Variants in SDK1 observed in about 807,000 individuals in gnomAD.
SDK1 encodes protein sidekick-1.
A neutral mutation model predicts 245.5 loss-of-function variants in SDK1; 157 were observed. The observed-to-expected ratio is 0.64, with a 90% CI of 0.56 to 0.73. SDK1 has a LOEUF of 0.73. SDK1 is among the 30% of genes least tolerant of loss of function. The pLI, the probability that SDK1 is intolerant of heterozygous loss-of-function variation, is 0.00. For missense variants in SDK1, 3,583 were observed against 3,002.3 expected, an observed-to-expected ratio of 1.19 and a Z score of -4.52; for synonymous variants, 1,647 against 1,278.5, an observed-to-expected ratio of 1.29 and a Z score of -6.15.
intron 1 of SDK1, among the ~76,000 whole-genome samples, chr7:3,539,164 C>G (rs1778981265): frequency 6.6e-6 from 1 of 152,178 alleles, no homozygotes; most frequent in South Asian, 2.1e-4. Flanking sequence ...TATTTTCTAT[C>G]CCCAAGTTAG....
chr7:4,059,596 A>T (rs1290527398), intron 19 of SDK1, among the ~76,000 whole-genome samples: 1 of 152,216 alleles, frequency 6.6e-6, no homozygotes, highest in African/African-American at 2.4e-5. Flanking sequence ...AATGGACCTA[A>T]CAGACATTTA....
At chr7:3,582,912 G>C (rs1287312098) in intron 1 of SDK1, among the ~76,000 whole-genome samples, 14 of 152,172 alleles carry the variant, frequency 9.2e-5, no homozygotes, top group Admixed American at 9.2e-4. Context: ...TGGAAGAGAA[G>C]TGTGTGTAGG....
chr7:4,034,885 G>C (rs1048027997), intron 17 of SDK1, among the ~76,000 whole-genome samples: 1 of 152,208 alleles, frequency 6.6e-6, no homozygotes, highest in African/African-American at 2.4e-5. Flanking sequence ...TGGGGAAAAA[G>C]AAGGTACCAA....
chr7:3,382,063 C>G (rs1781502733), intron 1 of SDK1, among the ~76,000 whole-genome samples: 1 of 152,158 alleles, frequency 6.6e-6, no homozygotes, highest in African/African-American at 2.4e-5. Flanking sequence ...TCCCTATGCA[C>G]AAGAAAAACC....
At chr7:3,862,775 A>C (rs945454637) in intron 5 of SDK1, among the ~76,000 whole-genome samples, 1 of 152,222 alleles carries the variant, frequency 6.6e-6, no homozygotes, top group East Asian at 1.9e-4. Context: ...GCCGTCCCCA[A>C]CCTTTTTGGT....
chr7:4,194,797 C>G (rs1203537199), intron 35 of SDK1, among the ~76,000 whole-genome samples: 2 of 152,160 alleles, frequency 1.3e-5, no homozygotes, highest in African/African-American at 4.8e-5. Context: ...TCTCTTTTGG[C>G]AACACCCTCA....
intron 16 of SDK1, among the ~76,000 whole-genome samples, chr7:4,014,733 T>C (rs6462535): frequency 0.47 from 71,036 of 152,056 alleles, 19,107 homozygotes; most frequent in African/African-American, 0.76. Context: ...CTGTTTATTT[T>C]TGTATAAAAA....
chr7:3,493,206 C>T (rs1001892377), intron 1 of SDK1, among the ~76,000 whole-genome samples: 1 of 152,146 alleles, frequency 6.6e-6, no homozygotes, highest in African/African-American at 2.4e-5. Context: ...ACACCTCGGC[C>T]TCCCAAAGTA....
chr7:3,409,062 G>A (rs1779127976), intron 1 of SDK1, among the ~76,000 whole-genome samples: 1 of 152,124 alleles, frequency 6.6e-6, no homozygotes, highest in Middle Eastern at 3.2e-3. Flanking sequence ...CATAACTGTG[G>A]TTAGCTTCTT....
intron 38 of SDK1, among the ~76,000 whole-genome samples, chr7:4,218,315 C>T (rs1411297002): frequency 6.6e-6 from 1 of 152,120 alleles, no homozygotes; most frequent in Non-Finnish European, 1.5e-5. Context: ...ATCGCTTGAA[C>T]TCAGGAGGTG....
rs77751890 is a variant in SDK1 at position 3,762,699 on chromosome 7, A to G, written c.714-58751A>G. Among the ~76,000 whole-genome samples, 875 of 152,302 alleles carry G rather than the reference A, an allele frequency of 5.7e-3. 7 individuals carry two copies. The highest frequency in any genetic ancestry group is 0.02 in the African/African-American group (818 of 41,562). ...ATTTAACAGAGGGGATGTAACATTC[A>G]CTGTAATAGACTTAAAACCAAATAT... On this transcript the variant is annotated intron_variant, in intron 4 of 44. Transcript: ENST00000404826.
intron 1 of SDK1, among the ~76,000 whole-genome samples, chr7:3,416,600 C>G (rs1779373762): frequency 6.6e-6 from 1 of 151,722 alleles, no homozygotes. Context: ...CTAATCTGGT[C>G]TATACTTCTT....
intron 4 of SDK1, among the ~76,000 whole-genome samples, chr7:3,819,472 G>T (rs1029228315): frequency 2.0e-5 from 3 of 149,598 alleles, no homozygotes; most frequent in Non-Finnish European, 4.5e-5. Context: ...GTAAAAATCA[G>T]ATGTCAAAGA....
chr7:4,246,577 C>G (rs1010794996), intron 44 of SDK1, among the ~76,000 whole-genome samples: 1 of 152,156 alleles, frequency 6.6e-6, no homozygotes, highest in African/African-American at 2.4e-5. Flanking sequence ...TCGTTTCCCC[C>G]TACACCCTGC....
chr7:4,230,459 G>A (rs569417085), intron 40 of SDK1, among the ~76,000 whole-genome samples: 7 of 143,212 alleles, frequency 4.9e-5, no homozygotes, highest in Non-Finnish European at 7.6e-5. Flanking sequence ...GAGGGAAGGG[G>A]AGTGGAGGGC....
At chr7:4,243,047 G>A (rs1786629843) in intron 43 of SDK1, among the ~76,000 whole-genome samples, 1 of 152,210 alleles carries the variant, frequency 6.6e-6, no homozygotes, top group Non-Finnish European at 1.5e-5. Context: ...TCTACTGGGA[G>A]GCAAGTTTTT....
At chr7:3,537,151 A>G (rs752045673) in intron 1 of SDK1, among the ~76,000 whole-genome samples, 16 of 152,214 alleles carry the variant, frequency 1.1e-4, no homozygotes, top group Admixed American at 1.0e-3. Context: ...CTCTTCGCAG[A>G]CAGCTACCGA....
chr7:4,194,701 C>T (rs1783480038), intron 35 of SDK1, among the ~76,000 whole-genome samples: 2 of 152,130 alleles, frequency 1.3e-5, no homozygotes, highest in African/African-American at 4.8e-5. Flanking sequence ...TTTCTGCCTG[C>T]TTTATATTAA....
At chr7:4,090,711 G>T (rs561952765) in intron 22 of SDK1, among the ~76,000 whole-genome samples, 1 of 152,142 alleles carries the variant, frequency 6.6e-6, no homozygotes, top group Admixed American at 6.5e-5. Flanking sequence ...TGGAGAGTGG[G>T]ATTTAGAAAC....
Sources: allele counts gnomAD v4.1 joint callset (sites outside exome capture counted in the v4.1 genomes callset), GRCh38; gene constraint gnomAD v4.1.1; transcripts MANE v1.5; gene names NCBI Gene and HGNC (gene_info 2026-07-23, HGNC 2026-07-21).